MBD5: variants seen among roughly 807,000 people sequenced by gnomAD.
The protein encoded by MBD5 is methyl-CpG-binding domain protein 5.
MBD5 carries 13 observed loss-of-function variants against 117.3 expected under a neutral mutation model. The ratio of observed to expected loss-of-function variants is 0.11; its 90% CI spans 0.07 to 0.18. The LOEUF (loss-of-function observed/expected upper bound fraction) is 0.18, where lower values mean the gene tolerates loss of function less well. Among genes scored for constraint, MBD5 ranks in the 10% least tolerant of loss-of-function variants. The pLI is 1.00. For missense variants in MBD5, 1,879 were observed against 2,093.8 expected (o/e 0.90, Z 2.00); for synonymous variants, 727 against 766.4 (o/e 0.95, Z 0.85).
chr2:148,123,541 G>A (rs1361798239), intron 1 of MBD5, among the ~76,000 whole-genome samples: 2 of 152,152 alleles, frequency 1.3e-5, no homozygotes, highest in East Asian at 3.8e-4. Flanking sequence ...TAGAACAAGG[G>A]TCAAAGTAAG....
At chr2:148,351,115 A>G (rs869595) in intron 4 of MBD5, among the ~76,000 whole-genome samples, 110,125 of 151,920 alleles carry the variant, frequency 0.72, 40,727 homozygotes, top group African/African-American at 0.89. Flanking sequence ...ATGAAATTTT[A>G]TATTCTATTT....
intron 4 of MBD5, among the ~76,000 whole-genome samples, chr2:148,454,349 T>A (rs1432722301): frequency 6.6e-6 from 1 of 152,152 alleles, no homozygotes; most frequent in Non-Finnish European, 1.5e-5. Flanking sequence ...TATAATCATA[T>A]GATAGAATAC....
At chr2:148,100,524 C>T (rs1396302301) in intron 1 of MBD5, among the ~76,000 whole-genome samples, 3 of 152,186 alleles carry the variant, frequency 2.0e-5, no homozygotes, top group Admixed American at 6.5e-5. Context: ...CTTTGTCTCA[C>T]TTTCATGCTG....
intron 3 of MBD5, among the ~76,000 whole-genome samples, chr2:148,252,487 A>C (rs185354939): frequency 2.2e-4 from 31 of 141,818 alleles, no homozygotes; most frequent in African/African-American, 7.1e-4. Context: ...ACACTGAAAG[A>C]TACAGACTCA....
At chr2:148,388,418 G>GGAT (rs1363628196) in intron 4 of MBD5, among the ~76,000 whole-genome samples, 5 of 152,016 alleles carry the variant, frequency 3.3e-5, no homozygotes, top group Non-Finnish European at 1.5e-5. Context: ...AAAATAATTA[G>GGAT]GATAATAATT....
At chr2:148,117,325 TAA>T (rs202242983) in intron 1 of MBD5, among the ~76,000 whole-genome samples, 3 of 143,950 alleles carry the variant, frequency 2.1e-5, no homozygotes, top group African/African-American at 7.5e-5. Flanking sequence ...CCTTTTTCAA[TAA>T]AAAAAAAAAA....
chr2:148,266,881 TA>T (rs1329864683), intron 3 of MBD5, among the ~76,000 whole-genome samples: 7 of 152,186 alleles, frequency 4.6e-5, no homozygotes, highest in Non-Finnish European at 8.8e-5. Context: ...CATTAGTCTG[TA>T]AATAGAATCC....
chr2:148,275,996 A>AT (rs1443472066), intron 3 of MBD5, among the ~76,000 whole-genome samples: 3 of 151,894 alleles, frequency 2.0e-5, no homozygotes, highest in Non-Finnish European at 4.4e-5. Context: ...TTTCTTGGAT[A>AT]TTTATATTTT....
intron 4 of MBD5, among the ~76,000 whole-genome samples, chr2:148,425,173 T>A (rs1445591322): frequency 6.6e-6 from 1 of 151,916 alleles, no homozygotes; most frequent in Admixed American, 6.6e-5. Flanking sequence ...AAGAATCAAC[T>A]AGACACAATA....
At chr2:148,444,119 T>TGATAA (rs10684952) in intron 4 of MBD5, among the ~76,000 whole-genome samples, 43,671 of 150,878 alleles carry the variant, frequency 0.29, 7,595 homozygotes, top group African/African-American at 0.42. Flanking sequence ...TCCTGGAAGT[T>TGATAA]GATAAGTGGA....
At chr2:148,176,760 G>A (rs928674603) in intron 1 of MBD5, among the ~76,000 whole-genome samples, 3 of 151,614 alleles carry the variant, frequency 2.0e-5, no homozygotes, top group Non-Finnish European at 2.9e-5. Flanking sequence ...ATTTTTAGTA[G>A]TTATGAGAGA....
rs555104130 is a variant in MBD5 at position 148,327,525 on chromosome 2, G to C, written c.-679-14689G>C. Among the ~76,000 whole-genome samples the C allele has an allele frequency of 6.0e-4, 91 of 152,008 alleles. 1 individual carries two copies. The highest frequency in any genetic ancestry group is 5.9e-4 in the Non-Finnish European group (40 of 68,002). On this transcript the variant is annotated intron_variant, in intron 3 of 13. Coordinates refer to ENST00000642680, the MANE Select transcript of MBD5 (RefSeq NM_001378120.1). ...TTTTCACATAGTCCCATATTTCTTG[G>C]AGGCTTTGCTCGTTTCTTTTTATTC...
chr2:148,504,477 C>A (rs554658884), intron 12 of MBD5, among the ~76,000 whole-genome samples: 15 of 152,122 alleles, frequency 9.9e-5, no homozygotes, highest in Admixed American at 8.5e-4. Context: ...TATGTTGAAC[C>A]AAATCATTTT....
chr2:148,471,350 G>A (rs1376362873), intron 8 of MBD5: 1 of 152,082 alleles, frequency 6.6e-6, no homozygotes, highest in Admixed American at 6.6e-5. Flanking sequence ...TAAATGTGTT[G>A]AGGCATCAGA....
rs191399633 is a variant in MBD5 at position 148,072,932 on chromosome 2, C to T, written c.-925+51248C>T. 1.8e-4 allele frequency among the ~76,000 whole-genome samples: 27 copies of T among 152,094 alleles called. No individual in the cohort carries two copies. The East Asian group carries it at 5.0e-3, about 28-fold the overall frequency. On this transcript the variant is annotated intron_variant, in intron 1 of 13. Coordinates refer to ENST00000642680, the MANE Select transcript of MBD5 (RefSeq NM_001378120.1). The stretch of plus-strand genomic sequence containing the variant: ...GTATTTTGTTAATGTTCTGGAGTAC[C>T]TATATCCAGCTCTAAAGTTTAGCTT...
chr2:148,154,594 C>T (rs4297475), intron 1 of MBD5, among the ~76,000 whole-genome samples: 3,946 of 152,278 alleles, frequency 0.026, 98 homozygotes, highest in African/African-American at 0.066. Flanking sequence ...ACTCCCTGGG[C>T]TTAGGACCCT....
intron 1 of MBD5, among the ~76,000 whole-genome samples, chr2:148,169,035 G>A (rs1698195751): frequency 6.6e-6 from 1 of 150,810 alleles, no homozygotes; most frequent in Admixed American, 6.6e-5. Context: ...CTATAACACT[G>A]CGCAGAGGAA....
chr2:148,389,942 T>A (rs1704515063), intron 4 of MBD5, among the ~76,000 whole-genome samples: 1 of 152,188 alleles, frequency 6.6e-6, no homozygotes, highest in Non-Finnish European at 1.5e-5. Flanking sequence ...GTCCTATTTG[T>A]CTGTTTTTGT....
intron 4 of MBD5, among the ~76,000 whole-genome samples, chr2:148,406,207 A>G (rs1431732988): frequency 1.3e-5 from 2 of 152,172 alleles, no homozygotes; most frequent in East Asian, 1.9e-4. Context: ...AAGAACAACA[A>G]TGAACATAAT....
Sources: allele counts gnomAD v4.1 joint callset (sites outside exome capture counted in the v4.1 genomes callset), GRCh38; gene constraint gnomAD v4.1.1; transcripts MANE v1.5; gene names NCBI Gene and HGNC (gene_info 2026-07-23, HGNC 2026-07-21).